The following SCHIP1 variants were observed in gnomAD, a reference collection of about 807,000 sequenced individuals.
SCHIP1 encodes schwannomin-interacting protein 1.
Under a neutral mutation model 29.7 loss-of-function variants are expected in SCHIP1, and 8 were observed. The observed-to-expected ratio is 0.27, with a 90% CI of 0.16 to 0.49. The LOEUF (loss-of-function observed/expected upper bound fraction) is 0.49, where lower values mean the gene tolerates loss of function less well. Ranked by LOEUF, SCHIP1 falls within the 20% of genes least tolerant of loss-of-function variation. SCHIP1 has a pLI of 0.99. For synonymous variants in SCHIP1, 76 were observed against 94.9 expected, an observed-to-expected ratio of 0.80 and a Z score of 1.16; for missense variants, 193 against 294.6, an observed-to-expected ratio of 0.66 and a Z score of 2.52.
chr3:159,811,224 T>C, the SCHIP1 span, among the ~76,000 whole-genome samples: 17 of 152,366 alleles, frequency 1.1e-4, no homozygotes, highest in African/African-American at 3.8e-4. Flanking sequence ...TTTGTGTATA[T>C]TTTCTCCCAG....
the SCHIP1 span, among the ~76,000 whole-genome samples, chr3:159,336,513 T>G: frequency 6.6e-6 from 1 of 152,190 alleles, no homozygotes; most frequent in African/African-American, 2.4e-5. Flanking sequence ...CTTGAATTAA[T>G]TTTTGTATAA....
At chr3:159,546,403 T>G in the SCHIP1 span, among the ~76,000 whole-genome samples, 1 of 152,148 alleles carries the variant, frequency 6.6e-6, no homozygotes, top group Non-Finnish European at 1.5e-5. Context: ...ATACCTTTTA[T>G]TCCTAGTTTG....
exon 1 of SCHIP1, chr3:159,840,177 G>A: frequency 6.5e-7 from 1 of 1,535,714 alleles, no homozygotes; most frequent in Non-Finnish European, 8.7e-7. Flanking sequence ...GCCCTAGGAT[G>A]CACTGAGATG....
At chr3:159,703,348 A>G in the SCHIP1 span, among the ~76,000 whole-genome samples, 2 of 152,210 alleles carry the variant, frequency 1.3e-5, no homozygotes, top group Non-Finnish European at 2.9e-5. Context: ...ATTTCATCTT[A>G]TTAACCTAAG....
the SCHIP1 span, among the ~76,000 whole-genome samples, chr3:159,401,623 C>G: frequency 6.6e-6 from 1 of 152,254 alleles, no homozygotes; most frequent in Non-Finnish European, 1.5e-5. Flanking sequence ...GAAAATGTGA[C>G]TCCAAGACTC....
chr3:159,450,125 G>A, the SCHIP1 span, among the ~76,000 whole-genome samples: 1 of 152,148 alleles, frequency 6.6e-6, no homozygotes, highest in Admixed American at 6.5e-5. Flanking sequence ...TCAACGAATT[G>A]GTCTACTTAA....
chr3:159,452,617 G>GC, the SCHIP1 span, among the ~76,000 whole-genome samples: 1 of 152,092 alleles, frequency 6.6e-6, no homozygotes, highest in Non-Finnish European at 1.5e-5. Flanking sequence ...ATATACGTGT[G>GC]CATGTGTCTT....
At chr3:159,630,745 A>G in the SCHIP1 span, among the ~76,000 whole-genome samples, 1 of 152,180 alleles carries the variant, frequency 6.6e-6, no homozygotes, top group African/African-American at 2.4e-5. Context: ...GTGAGGGATA[A>G]AAGACTACAA....
At chr3:159,602,947 CATG>C in the SCHIP1 span, among the ~76,000 whole-genome samples, 36 of 152,260 alleles carry the variant, frequency 2.4e-4, no homozygotes, top group Non-Finnish European at 4.4e-5. Flanking sequence ...CTGGAGATAG[CATG>C]ATATCTCACA....
At chr3:159,665,387 T>C in the SCHIP1 span, among the ~76,000 whole-genome samples, 2 of 152,122 alleles carry the variant, frequency 1.3e-5, no homozygotes, top group Admixed American at 6.5e-5. Flanking sequence ...GCCAGTGCTA[T>C]GGAATCAAGC....
At chr3:159,486,672 C>G in the SCHIP1 span, among the ~76,000 whole-genome samples, 64 of 152,342 alleles carry the variant, frequency 4.2e-4, no homozygotes, top group African/African-American at 1.5e-3. Context: ...GAAATCCAGA[C>G]TAAATATATG....
intron 1 of SCHIP1, among the ~76,000 whole-genome samples, chr3:159,856,172 C>T (rs926249933): frequency 2.6e-5 from 4 of 152,160 alleles, no homozygotes; most frequent in Admixed American, 1.3e-4. Flanking sequence ...ACGTGGTATG[C>T]AGCATCTAAG....
At chr3:159,689,835 T>C in the SCHIP1 span, among the ~76,000 whole-genome samples, 3 of 152,192 alleles carry the variant, frequency 2.0e-5, no homozygotes, top group Non-Finnish European at 4.4e-5. Context: ...TGAAGGCCTT[T>C]TCTGCATCTA....
the SCHIP1 span, among the ~76,000 whole-genome samples, chr3:159,812,056 T>C: frequency 6.8e-6 from 1 of 147,952 alleles, no homozygotes; most frequent in African/African-American, 2.5e-5. Flanking sequence ...ACTGTAACCC[T>C]GCCTCCTAGG....
chr3:159,704,839 C>G, the SCHIP1 span, among the ~76,000 whole-genome samples: 2 of 151,704 alleles, frequency 1.3e-5, no homozygotes, highest in Admixed American at 6.6e-5. Flanking sequence ...TTCTTTCTTG[C>G]TTCTTTTTTA....
the SCHIP1 span, among the ~76,000 whole-genome samples, chr3:159,358,857 T>TAAA: frequency 2.1e-5 from 3 of 144,904 alleles, no homozygotes; most frequent in Non-Finnish European, 4.5e-5. Flanking sequence ...GTAATGGAAA[T>TAAA]AAAAATGCAA....
chr3:159,339,271 A>C, the SCHIP1 span, among the ~76,000 whole-genome samples: 6 of 151,502 alleles, frequency 4.0e-5, no homozygotes, highest in Admixed American at 6.6e-5. Flanking sequence ...AAAAAAAAAA[A>C]ACCTTGGTGT....
chr3:159,872,123 C>A (rs1045248332), intron 2 of SCHIP1, among the ~76,000 whole-genome samples: 1 of 152,068 alleles, frequency 6.6e-6, no homozygotes, highest in South Asian at 2.1e-4. Context: ...GCTGTTGTTT[C>A]CATTTCCTTT....
At chr3:159,285,445 G>A in the SCHIP1 span, among the ~76,000 whole-genome samples, 5 of 152,074 alleles carry the variant, frequency 3.3e-5, no homozygotes, top group Admixed American at 6.5e-5. Flanking sequence ...TTCATAAGCA[G>A]TATGTAGCTG....
Sources: allele counts gnomAD v4.1 joint callset (sites outside exome capture counted in the v4.1 genomes callset), GRCh38; gene constraint gnomAD v4.1.1; transcripts MANE v1.5; gene names NCBI Gene and HGNC (gene_info 2026-07-23, HGNC 2026-07-21).